GPC5: variants seen among roughly 807,000 people sequenced by gnomAD.
GPC5 encodes glypican 5.
In GPC5, 47 loss-of-function variants were observed where a neutral mutation model predicts 53.9. The ratio of observed to expected loss-of-function variants is 0.87; its 90% CI spans 0.69 to 1.11. The LOEUF is 1.11. Among genes scored for constraint, GPC5 ranks in the 50% most tolerant of loss-of-function variants. The pLI, the probability that GPC5 is intolerant of heterozygous loss-of-function variation, is 0.00. For synonymous variants in GPC5, 286 were observed against 263.3 expected (o/e 1.09, Z -0.84); for missense variants, 748 against 713.1 (o/e 1.05, Z -0.56).
intron 7 of GPC5, among the ~76,000 whole-genome samples, chr13:92,754,547 G>A (rs199646225): frequency 1.3e-5 from 2 of 151,040 alleles, no homozygotes; most frequent in African/African-American, 4.9e-5. Flanking sequence ...ATTGGATAAA[G>A]AGTCAAGACC....
At chr13:91,429,833 C>T (rs1879308542) in intron 1 of GPC5, among the ~76,000 whole-genome samples, 1 of 152,176 alleles carries the variant, frequency 6.6e-6, no homozygotes, top group Admixed American at 6.5e-5. Context: ...TTGCCTTCTC[C>T]TCTTCCATGG....
chr13:91,432,137 C>T (rs1349625672), intron 1 of GPC5, among the ~76,000 whole-genome samples: 1 of 151,370 alleles, frequency 6.6e-6, no homozygotes, highest in African/African-American at 2.4e-5. Context: ...GGGGATGAGA[C>T]TGCAGTTAAT....
intron 7 of GPC5, among the ~76,000 whole-genome samples, chr13:92,232,036 T>C (rs1287347741): frequency 6.6e-6 from 1 of 152,168 alleles, no homozygotes; most frequent in African/African-American, 2.4e-5. Context: ...CCTATCTTGT[T>C]CTTGATGTAA....
intron 7 of GPC5, among the ~76,000 whole-genome samples, chr13:92,770,161 C>T (rs1731989425): frequency 6.6e-6 from 1 of 152,172 alleles, no homozygotes; most frequent in South Asian, 2.1e-4. Context: ...TGCCTGTAAT[C>T]CCAGCACTTT....
intron 7 of GPC5, among the ~76,000 whole-genome samples, chr13:92,610,157 A>C (rs1884389640): frequency 3.3e-5 from 5 of 152,150 alleles, no homozygotes; most frequent in Admixed American, 3.3e-4. Flanking sequence ...AACTGACTAT[A>C]ATAAATACCA....
Position 91,432,211 on chromosome 13 carries a change from G to GCTGCTGC in GPC5, c.164-16550_164-16549insCTGCTGC, listed in dbSNP as rs1231375785. 4.6e-3 allele frequency among the ~76,000 whole-genome samples: 558 copies of GCTGCTGC among 121,632 alleles called. 3 individuals carry two copies. Among genetic ancestry groups the GCTGCTGC allele is most frequent in the African/African-American group, 0.016 (537 of 33,442 alleles). 79.8% of individuals were successfully genotyped at this position (121,632 alleles called of 152,430 possible). A position where few individuals can be genotyped will look rare whatever the true frequency, so the allele number is the denominator to read the frequency against. On this transcript the variant is annotated intron_variant, in intron 1 of 7. Coordinates refer to ENST00000377067, the MANE Select transcript of GPC5 (RefSeq NM_004466.6). ...TGCTGCTGCTGCTGCTGCTGTGTGT[G>GCTGCTGC]TGTGTGTGTGTGTGTGTGTGTGTGT...
Position 92,194,983 on chromosome 13 carries a change from A to G in GPC5, c.1561+49994A>G. On this transcript the variant is annotated intron_variant, in intron 7 of 7. Coordinates refer to ENST00000377067, the MANE Select transcript of GPC5 (RefSeq NM_004466.6). Reference sequence around the variant, plus strand: ...ATTCTAAACCTTAAATCAGAGAAGCATTAGCAGTCAAAGATCTCTGCTGTA... The same window carrying G: ...ATTCTAAACCTTAAATCAGAGAAGCGTTAGCAGTCAAAGATCTCTGCTGTA... 1.3e-5 allele frequency among the ~76,000 whole-genome samples: 2 copies of G among 152,258 alleles called. 1 individual carries two copies. Among genetic ancestry groups the G allele is most frequent in the South Asian group, 4.1e-4 (2 of 4,834 alleles).
At chr13:92,050,411 G>T (rs2041018098) in intron 6 of GPC5, among the ~76,000 whole-genome samples, 1 of 152,006 alleles carries the variant, frequency 6.6e-6, no homozygotes, top group Non-Finnish European at 1.5e-5. Context: ...GTGGTTATAT[G>T]GGGATTATCT....
chr13:91,454,182 T>G (rs972906498), intron 2 of GPC5, among the ~76,000 whole-genome samples: 2 of 152,090 alleles, frequency 1.3e-5, no homozygotes, highest in Non-Finnish European at 1.5e-5. Context: ...CAGGCTTATA[T>G]TAATTATGAG....
At chr13:92,320,173 T>G (rs1188643165) in intron 7 of GPC5, among the ~76,000 whole-genome samples, 1 of 152,144 alleles carries the variant, frequency 6.6e-6, no homozygotes, top group Non-Finnish European at 1.5e-5. Context: ...TTGCTATGGC[T>G]CTAAAGTTTC....
intron 5 of GPC5, among the ~76,000 whole-genome samples, chr13:91,839,874 C>G (rs528716799): frequency 1.3e-5 from 2 of 152,142 alleles, no homozygotes; most frequent in South Asian, 4.2e-4. Flanking sequence ...AGTTCATACA[C>G]AATTCCATGG....
intron 7 of GPC5, among the ~76,000 whole-genome samples, chr13:92,751,512 T>A (rs562569676): frequency 5.4e-5 from 8 of 149,524 alleles, no homozygotes; most frequent in East Asian, 2.0e-4. Context: ...CAGCTGCACT[T>A]ATACATCAAG....
At chr13:91,764,076 G>A (rs980310535) in intron 5 of GPC5, among the ~76,000 whole-genome samples, 1 of 151,792 alleles carries the variant, frequency 6.6e-6, no homozygotes, top group African/African-American at 2.4e-5. Context: ...GTGGTTGGTC[G>A]AATCCTTGAA....
intron 6 of GPC5, among the ~76,000 whole-genome samples, chr13:91,908,997 T>C (rs766180060): frequency 6.6e-6 from 1 of 152,114 alleles, no homozygotes. Context: ...CAGAGCCAGT[T>C]CTTAGGTTCC....
chr13:92,435,174 C>A (rs1279633143), intron 7 of GPC5, among the ~76,000 whole-genome samples: 1 of 152,122 alleles, frequency 6.6e-6, no homozygotes, highest in Non-Finnish European at 1.5e-5. Context: ...CTTGGCGTCC[C>A]AAAGTACTGG....
intron 7 of GPC5, among the ~76,000 whole-genome samples, chr13:92,700,780 C>T (rs1170219378): frequency 6.6e-6 from 1 of 152,012 alleles, no homozygotes; most frequent in East Asian, 1.9e-4. Flanking sequence ...TGTTTTCTTG[C>T]CTCATGATAG....
At chr13:92,225,928 T>C (rs972430760) in intron 7 of GPC5, among the ~76,000 whole-genome samples, 53 of 152,194 alleles carry the variant, frequency 3.5e-4, no homozygotes, top group Non-Finnish European at 1.3e-4. Flanking sequence ...GTTCCTGATA[T>C]GGTTTGGCTC....
At chr13:92,815,226 A>G (rs1382868104) in intron 7 of GPC5, among the ~76,000 whole-genome samples, 1 of 152,042 alleles carries the variant, frequency 6.6e-6, no homozygotes, top group East Asian at 1.9e-4. Flanking sequence ...GGTAAAGGTG[A>G]TGAGAATGAG....
intron 7 of GPC5, among the ~76,000 whole-genome samples, chr13:92,758,980 C>A (rs1254957147): frequency 8.0e-6 from 1 of 125,166 alleles, no homozygotes; most frequent in Non-Finnish European, 1.6e-5. Context: ...AGAGAATATC[C>A]TTTTCCCATT....
Sources: allele counts gnomAD v4.1 joint callset (sites outside exome capture counted in the v4.1 genomes callset), GRCh38; gene constraint gnomAD v4.1.1; transcripts MANE v1.5; gene names NCBI Gene and HGNC (gene_info 2026-07-23, HGNC 2026-07-21).